The following CLSTN2 variants were observed in gnomAD, a reference collection of about 807,000 sequenced individuals.
CLSTN2 encodes the protein calsyntenin-2.
Under a neutral mutation model 101.2 loss-of-function variants are expected in CLSTN2, and 48 were observed. The observed-to-expected ratio is 0.47, with a 90% confidence interval of 0.38 to 0.60. CLSTN2 has a LOEUF of 0.60. CLSTN2 is among the 20% of genes least tolerant of loss of function. The pLI, the probability that CLSTN2 is intolerant of heterozygous loss-of-function variation, is 0.00. For synonymous variants in CLSTN2, 481 were observed against 463.6 expected, an observed-to-expected ratio of 1.04 and a Z score of -0.48; for missense variants, 1,160 against 1,238.2, an observed-to-expected ratio of 0.94 and a Z score of 0.95.
chr3:139,936,933 C>A (rs1036395307), intron 1 of CLSTN2, among the ~76,000 whole-genome samples: 1 of 151,990 alleles, frequency 6.6e-6, no homozygotes, highest in African/African-American at 2.4e-5. Flanking sequence ...GAGAGAAAAA[C>A]TCGTTATGAA....
chr3:140,234,944 C>T (rs779449265), intron 2 of CLSTN2, among the ~76,000 whole-genome samples: 17 of 152,136 alleles, frequency 1.1e-4, no homozygotes, highest in Non-Finnish European at 7.3e-5. Context: ...CTATGGCTAC[C>T]GCCACAGAGT....
intron 1 of CLSTN2, among the ~76,000 whole-genome samples, chr3:140,041,318 T>G (rs1398947727): frequency 6.6e-6 from 1 of 152,136 alleles, no homozygotes; most frequent in East Asian, 1.9e-4. Context: ...GACCATTTGG[T>G]GCATGTGCGA....
intron 2 of CLSTN2, among the ~76,000 whole-genome samples, chr3:140,355,794 A>T (rs2087664723): frequency 6.6e-6 from 1 of 152,222 alleles, no homozygotes; most frequent in East Asian, 1.9e-4. Context: ...CAGCCTGCCA[A>T]GGGACTGTCA....
intron 1 of CLSTN2, among the ~76,000 whole-genome samples, chr3:140,123,108 T>A (rs1174489626): frequency 7.2e-6 from 1 of 139,296 alleles, no homozygotes; most frequent in Non-Finnish European, 1.5e-5. Context: ...ATTTGGTGTC[T>A]AGTGAGGGCT....
At chr3:140,219,204 G>A (rs1482582436) in intron 2 of CLSTN2, among the ~76,000 whole-genome samples, 1 of 151,958 alleles carries the variant, frequency 6.6e-6, no homozygotes, top group Non-Finnish European at 1.5e-5. Flanking sequence ...TTTCTAAAGA[G>A]TGAGGTGCAT....
At chr3:140,345,585 G>A (rs1008412532) in intron 2 of CLSTN2, among the ~76,000 whole-genome samples, 5 of 149,588 alleles carry the variant, frequency 3.3e-5, no homozygotes, top group Admixed American at 2.7e-4. Flanking sequence ...TTTATCATTG[G>A]TGATTATGTG....
chr3:140,379,444 T>C (rs1479858), intron 2 of CLSTN2, among the ~76,000 whole-genome samples: 145,383 of 152,226 alleles, frequency 0.96, 69,770 homozygotes, highest in East Asian at 1. Context: ...TTCTGTGGAT[T>C]GTAGGGAAAT....
At chr3:140,134,802 G>A (rs9868890) in intron 1 of CLSTN2, among the ~76,000 whole-genome samples, 107,485 of 151,686 alleles carry the variant, frequency 0.71, 41,495 homozygotes, top group East Asian at 0.9. Context: ...AGATGCATGA[G>A]CTGTCATTCC....
At chr3:140,364,388 C>T (rs1353383265) in intron 2 of CLSTN2, among the ~76,000 whole-genome samples, 2 of 152,126 alleles carry the variant, frequency 1.3e-5, no homozygotes, top group Non-Finnish European at 2.9e-5. Flanking sequence ...CAACAATTAC[C>T]ACAGAAATTG....
chr3:140,166,138 T>C (rs1333322025), intron 1 of CLSTN2, among the ~76,000 whole-genome samples: 1 of 152,234 alleles, frequency 6.6e-6, no homozygotes, highest in East Asian at 1.9e-4. Flanking sequence ...GCATGAATGC[T>C]AGCCCCAACT....
chr3:140,090,254 A>T, intron 1 of CLSTN2, among the ~76,000 whole-genome samples: 1 of 151,522 alleles, frequency 6.6e-6, no homozygotes, highest in Admixed American at 6.6e-5. Context: ...TGGAGATGTT[A>T]TTTGTGGTTT....
At chr3:140,055,940 G>A (rs992343521) in intron 1 of CLSTN2, among the ~76,000 whole-genome samples, 1 of 152,220 alleles carries the variant, frequency 6.6e-6, no homozygotes, top group African/African-American at 2.4e-5. Flanking sequence ...CCCATTGAGA[G>A]TGAAGTACAC....
chr3:140,019,811 G>T (rs934214049), intron 1 of CLSTN2, among the ~76,000 whole-genome samples: 21 of 152,130 alleles, frequency 1.4e-4, no homozygotes, highest in Non-Finnish European at 4.4e-5. Context: ...AAGATACTTA[G>T]GCAAAATAAC....
chr3:139,969,984 T>A (rs1348361269), intron 1 of CLSTN2, among the ~76,000 whole-genome samples: 1 of 152,144 alleles, frequency 6.6e-6, no homozygotes, highest in Non-Finnish European at 1.5e-5. Flanking sequence ...TTTGGAGTCA[T>A]AAAACTGGGC....
intron 1 of CLSTN2, among the ~76,000 whole-genome samples, chr3:139,985,062 C>T (rs984031515): frequency 6.6e-6 from 1 of 152,198 alleles, no homozygotes; most frequent in Non-Finnish European, 1.5e-5. Flanking sequence ...CACAAGCAAG[C>T]GCACACCATT....
At chr3:140,441,946 A>T (rs898588246) in intron 5 of CLSTN2, among the ~76,000 whole-genome samples, 1 of 152,188 alleles carries the variant, frequency 6.6e-6, no homozygotes, top group Non-Finnish European at 1.5e-5. Flanking sequence ...CAGAAGCGGA[A>T]GTACTATTCA....
intron 1 of CLSTN2, among the ~76,000 whole-genome samples, chr3:140,171,023 G>C (rs2010204157): frequency 6.6e-6 from 1 of 152,150 alleles, no homozygotes; most frequent in Non-Finnish European, 1.5e-5. Context: ...TGAGCTCCTG[G>C]TGTATGCTTT....
At chr3:140,182,005 T>G (rs540488511) in intron 2 of CLSTN2, among the ~76,000 whole-genome samples, 1 of 152,320 alleles carries the variant, frequency 6.6e-6, no homozygotes, top group East Asian at 1.9e-4. Context: ...AATCCCATGC[T>G]GAGTGAGTCA....
chr3:140,030,160 T>G (rs948269016), intron 1 of CLSTN2, among the ~76,000 whole-genome samples: 1 of 152,078 alleles, frequency 6.6e-6, no homozygotes, highest in African/African-American at 2.4e-5. Context: ...AATTACTGTT[T>G]CCTGTCTGGA....
Sources: gnomAD v4.1 joint callset for allele counts (sites outside exome capture counted in the v4.1 genomes callset) on GRCh38, gnomAD v4.1.1 for gene constraint, MANE v1.5 for transcripts, NCBI Gene and HGNC (gene_info 2026-07-23, HGNC 2026-07-21) for gene names.